NALCN: variants seen among roughly 807,000 people sequenced by gnomAD.
The protein encoded by NALCN is sodium leak channel NALCN.
In NALCN, 111 loss-of-function variants were observed where a neutral mutation model predicts 225.3. The ratio of observed to expected loss-of-function variants is 0.49; its 90% CI spans 0.42 to 0.58. The LOEUF (loss-of-function observed/expected upper bound fraction) is 0.58. Among genes scored for constraint, NALCN ranks in the 20% least tolerant of loss-of-function variants. NALCN has a pLI of 0.00. For synonymous variants in NALCN, 764 were observed against 769.0 expected (o/e 0.99, Z 0.11); for missense variants, 1,378 against 2,202.4 (o/e 0.63, Z 7.49).
chr13:101,189,296 A>G (rs901959018), intron 14 of NALCN, among the ~76,000 whole-genome samples: 4 of 152,222 alleles, frequency 2.6e-5, no homozygotes, highest in Admixed American at 2.6e-4. Flanking sequence ...ATGGAAATTA[A>G]TTCAGGAAGG....
At chr13:101,281,632 C>T (rs898440087) in intron 10 of NALCN, among the ~76,000 whole-genome samples, 2 of 151,958 alleles carry the variant, frequency 1.3e-5, no homozygotes, top group Non-Finnish European at 2.9e-5. Flanking sequence ...TACTTATTGC[C>T]CTCCATTTTT....
At position 101,117,387 on chromosome 13, in the gene NALCN, C is replaced by T. The variant is rs570968376; in HGVS notation, c.2193-6161G>A. On this transcript the variant is annotated intron_variant, in intron 18 of 43. Coordinates refer to ENST00000251127, the MANE Select transcript of NALCN (RefSeq NM_052867.4). ...AATTTAGTAACCCAACTACTGACTC[C>T]GAAACATGCAAATTACAATGCAAAG... Among the ~76,000 whole-genome samples the T allele has an allele frequency of 2.3e-3, 347 of 152,244 alleles. 2 individuals are homozygous for T. The highest frequency in any genetic ancestry group is 4.0e-3 in the Non-Finnish European group (275 of 68,008).
intron 15 of NALCN, among the ~76,000 whole-genome samples, chr13:101,170,077 A>C (rs1031536526): frequency 6.8e-6 from 1 of 146,394 alleles, no homozygotes; most frequent in East Asian, 1.9e-4. Flanking sequence ...GACAAAATGG[A>C]CATGCAAATG....
intron 11 of NALCN, among the ~76,000 whole-genome samples, chr13:101,257,610 T>C (rs1410407675): frequency 6.6e-6 from 1 of 152,166 alleles, no homozygotes; most frequent in Non-Finnish European, 1.5e-5. Context: ...GTCTTTTCAG[T>C]TTACTTTTTC....
At chr13:101,257,097 G>A (rs752252217) in intron 11 of NALCN, among the ~76,000 whole-genome samples, 21 of 151,864 alleles carry the variant, frequency 1.4e-4, no homozygotes, top group Non-Finnish European at 7.4e-5. Context: ...CATTCATCGT[G>A]TGCTGGATTT....
At chr13:101,324,930 ATTATT>A (rs2044889056) in intron 7 of NALCN, among the ~76,000 whole-genome samples, 1 of 152,118 alleles carries the variant, frequency 6.6e-6, no homozygotes. Flanking sequence ...AATAGCTCTT[ATTATT>A]TTGAGATACG....
In NALCN at chr13:101,301,058, G is replaced by A. The variant is rs150585394; in HGVS notation, c.800-8692C>T. ...TAATAAAGAATCATAGTTGAAATAT[G>A]TTTCCTTAAATGTAGAAAATTTCTA... On this transcript the variant is annotated intron_variant, in intron 7 of 43. Transcript: ENST00000251127. Among the ~76,000 whole-genome samples, 504 of 152,302 alleles carry A rather than the reference G, an allele frequency of 3.3e-3. 2 individuals are homozygous for A. The highest frequency in any genetic ancestry group is 0.011 in the African/African-American group (457 of 41,570).
chr13:101,237,970 A>T, intron 11 of NALCN, 48 bp from the exon 12 acceptor site: 1 of 1,510,778 alleles, frequency 6.6e-7, no homozygotes, highest in Non-Finnish European at 9.0e-7. Flanking sequence ...ACTATAATTT[A>T]TTCTAAATTA....
At chr13:101,346,087 C>CTCTATATATATATATATATATATA in intron 6 of NALCN, among the ~76,000 whole-genome samples, 5 of 70,968 alleles carry the variant, frequency 7.0e-5, no homozygotes, top group South Asian at 5.5e-4. Flanking sequence ...CTCTCTCTCT[C>CTCTATATATATATATATATATATA]TATATATATA....
chr13:101,138,326 A>G lies in NALCN; in HGVS notation c.2118+4754T>C, dbSNP rs534531682. Among the ~76,000 whole-genome samples the G allele has an allele frequency of 4.6e-5, 7 of 152,348 alleles. No individual in the cohort carries two copies. The East Asian group carries it at 1.2e-3, about 25-fold the overall frequency. The stretch of plus-strand genomic sequence containing the variant: ...ATAAAATAAAATGGGTAAACAAAAC[A>G]TAGTCATTCCAATGATCATTTTCCT... On this transcript the variant is annotated intron_variant, in intron 17 of 43. Coordinates refer to ENST00000251127, the MANE Select transcript of NALCN (RefSeq NM_052867.4).
intron 36 of NALCN, 93 bp downstream of exon 36, chr13:101,074,421 A>T: frequency 1.7e-6 from 2 of 1,211,692 alleles, no homozygotes; most frequent in Non-Finnish European, 2.2e-6. Flanking sequence ...CCCCTCTCCT[A>T]GACTTTAATA....
chr13:101,086,166 T>C (rs1274513586), intron 30 of NALCN, among the ~76,000 whole-genome samples: 3 of 152,082 alleles, frequency 2.0e-5, no homozygotes. Flanking sequence ...TATACAAGTT[T>C]CCTTACTTTC....
rs545301596 is a variant in NALCN, at chr13:101,188,785, A to G, written c.1764+3132T>C. Among the ~76,000 whole-genome samples, 29 of 71,034 alleles carry G rather than the reference A, an allele frequency of 4.1e-4. No homozygotes were observed. The South Asian group carries it at 0.011, about 28-fold the overall frequency. The allele number at this position is 71,034 out of a possible 152,430, so 46.6% of individuals were successfully genotyped here. On this transcript the variant is annotated intron_variant, in intron 14 of 43. Coordinates refer to ENST00000251127, the MANE Select transcript of NALCN (RefSeq NM_052867.4). Reference sequence around the variant, plus strand: ...CTGCAACCCCCACCTCCCAGATTCAAGTGATTCTCCCCTGCCTCAGTATCC... The same window carrying G: ...CTGCAACCCCCACCTCCCAGATTCAGGTGATTCTCCCCTGCCTCAGTATCC...
At chr13:101,247,508 C>A (rs1392862385) in intron 11 of NALCN, among the ~76,000 whole-genome samples, 1 of 151,842 alleles carries the variant, frequency 6.6e-6, no homozygotes, top group Non-Finnish European at 1.5e-5. Context: ...AGGCAGCATG[C>A]AAAGATTTTA....
In NALCN at chr13:101,055,073, C is replaced by A; in HGVS notation, c.*222G>T. ...CTTGCGGTATCATTTCTAATATTAT[C>A]AGTACTGTCATTATACAAAAATTTT... is the stretch of plus-strand genomic sequence containing the variant. On this transcript the variant is annotated 3_prime_UTR_variant, in exon 44 of 44. Coordinates refer to ENST00000251127, the MANE Select transcript of NALCN (RefSeq NM_052867.4). 1 of 517,930 alleles carries A rather than the reference C, an allele frequency of 1.9e-6. No individual in the cohort carries two copies. Among genetic ancestry groups the A allele is most frequent in the Non-Finnish European group, 3.4e-6 (1 of 293,584 alleles). 32.1% of individuals were successfully genotyped at this position (517,930 alleles called of 1,614,324 possible).
chr13:101,247,719 T>C (rs1278458496), intron 11 of NALCN, among the ~76,000 whole-genome samples: 1 of 152,184 alleles, frequency 6.6e-6, no homozygotes, highest in Non-Finnish European at 1.5e-5. Context: ...AGTAAATGTG[T>C]GCCATGGCGG....
chr13:101,389,449 G>A (rs1337708016), intron 3 of NALCN, among the ~76,000 whole-genome samples: 4 of 152,150 alleles, frequency 2.6e-5, no homozygotes, highest in Non-Finnish European at 5.9e-5. Context: ...AACTCCAAAG[G>A]ACACCCAACA....
intron 3 of NALCN, among the ~76,000 whole-genome samples, chr13:101,380,010 AC>A (rs2046805066): frequency 1.3e-5 from 2 of 151,842 alleles, no homozygotes; most frequent in Non-Finnish European, 2.9e-5. Context: ...TAAGGCAAAA[AC>A]CCCCAAAGAT....
chr13:101,103,178 A>G lies in NALCN; in HGVS notation c.3051T>C (p.Ile1017=). 1.2e-6 allele frequency: 2 copies of G among 1,612,300 alleles called. No homozygotes were observed. Among genetic ancestry groups the G allele is most frequent in the South Asian group, 1.1e-5 (1 of 90,706 alleles). The part of the protein sequence containing the change: ...VRELFSGFKE[I]FLVSILLLTL... ...AAGGATAATTCTCACATACCAAAAA[A>G]ATTTCCTTGAAGCCGCTGAAAAGTT... Residue 1017 remains isoleucine (I), a synonymous_variant, in exon 26 of 44, where the codon ATT becomes ATC. Coordinates refer to ENST00000251127, the MANE Select transcript of NALCN (RefSeq NM_052867.4).
Sources: gnomAD v4.1 joint callset for allele counts (sites outside exome capture counted in the v4.1 genomes callset) on GRCh38, gnomAD v4.1.1 for gene constraint, MANE v1.5 for transcripts, NCBI Gene and HGNC (gene_info 2026-07-23, HGNC 2026-07-21) for gene names.